The following CD109 variants were observed in gnomAD, a reference collection of about 807,000 sequenced individuals.
The protein encoded by CD109 is CD109 molecule, also known as CD109 antigen.
In CD109, 149 loss-of-function variants were observed where a neutral mutation model predicts 165.8. The ratio of observed to expected loss-of-function variants is 0.90; its 90% CI spans 0.79 to 1.03. The LOEUF (loss-of-function observed/expected upper bound fraction) is 1.03, where lower values mean the gene tolerates loss of function less well. Ranked by LOEUF, CD109 falls within the 50% of genes least tolerant of loss-of-function variation. The pLI is 0.00. For synonymous variants in CD109, 585 were observed against 592.1 expected, an observed-to-expected ratio of 0.99 and a Z score of 0.18; for missense variants, 1,712 against 1,677.8, an observed-to-expected ratio of 1.02 and a Z score of -0.36.
rs913196604 is a variant in CD109, at chr6:73,723,151, C to T, written c.248-100C>T. On this transcript the variant is annotated intron_variant, in intron 2 of 32. Transcript: ENST00000287097. ...TTCACCAAATGTATTTATGATTCCA[C>T]CTACACATGTAAGAGTATTGGGAGA... The T allele has an allele frequency of 3.0e-5, 47 of 1,587,076 alleles. No individual in the cohort carries two copies. In the African/African-American group the frequency reaches 5.9e-4, roughly 20 times the overall value.
At chr6:73,778,590 A>G (rs1471515117) in intron 15 of CD109, among the ~76,000 whole-genome samples, 1 of 152,194 alleles carries the variant, frequency 6.6e-6, no homozygotes, top group Non-Finnish European at 1.5e-5. Flanking sequence ...ATGGAACTCT[A>G]GCCTTTTCTC....
chr6:73,704,430 T>C (rs1339344326), intron 2 of CD109, among the ~76,000 whole-genome samples: 1 of 152,202 alleles, frequency 6.6e-6, no homozygotes, highest in African/African-American at 2.4e-5. Context: ...CTGGTGTTCA[T>C]TTTCAGCCGC....
In CD109 at chr6:73,808,035, G is replaced by C. The variant is rs1418196354; in HGVS notation, c.3190-48G>C. 3.9e-6 allele frequency: 6 copies of C among 1,552,426 alleles called. No homozygotes were observed. In the African/African-American group the frequency reaches 8.2e-5, roughly 21 times the overall value. ...AAAGTACTTTTTGTTTCAGTATGTG[G>C]TAATGGGTTACTCTGAATAGTAAAA... On this transcript the variant is annotated intron_variant, in intron 25 of 32. Transcript: ENST00000287097.
rs1012984512 is a variant in CD109, at chr6:73,815,193, A to C, written c.3911+70A>C. 1.8e-4 allele frequency: 235 copies of C among 1,286,052 alleles called. 1 individual carries two copies. Among genetic ancestry groups the C allele is most frequent in the Middle Eastern group, 1.6e-3 (8 of 5,068 alleles). The allele number at this position is 1,286,052 out of a possible 1,614,324, so 79.7% of individuals were successfully genotyped here. The stretch of plus-strand genomic sequence containing the variant: ...TAGACTTGAAGGTTTAATTATGTAT[A>C]GTTGTCTATATCAATCTAAGAGTTA... On this transcript the variant is annotated intron_variant, in intron 30 of 32. Transcript: ENST00000287097.
chr6:73,682,638 A>G, the CD109 span, among the ~76,000 whole-genome samples: 1 of 152,086 alleles, frequency 6.6e-6, no homozygotes, highest in South Asian at 2.1e-4. Context: ...CCCAGTAGGG[A>G]ATCTGTGTGG....
chr6:73,809,910 G>A (rs973442048), intron 26 of CD109, 74 bp from the exon 27 acceptor site: 8 of 1,160,700 alleles, frequency 6.9e-6, no homozygotes, highest in Non-Finnish European at 7.3e-6. Flanking sequence ...TTGGACCAGA[G>A]TAGGAATATT....
the CD109 span, among the ~76,000 whole-genome samples, chr6:73,689,237 G>C: frequency 6.6e-6 from 1 of 152,164 alleles, no homozygotes; most frequent in Admixed American, 6.5e-5. Flanking sequence ...CCAAACCCAA[G>C]GATGGGATTG....
chr6:73,736,885 C>A (rs1772565952), intron 5 of CD109, among the ~76,000 whole-genome samples: 1 of 152,158 alleles, frequency 6.6e-6, no homozygotes, highest in Non-Finnish European at 1.5e-5. Context: ...ATTAGATTAA[C>A]CTACTTTTAT....
In CD109 at chr6:73,766,812, T is replaced by A. The variant is rs1470325763; in HGVS notation, c.1386T>A (p.Ser462=). Residue 462 remains serine (S), a synonymous_variant, in exon 12 of 33, where the codon TCT becomes TCA. Coordinates refer to ENST00000287097, the MANE Select transcript of CD109 (RefSeq NM_133493.5). ...SSMAVHSLFK[S]PSKTYIQLKT... is the part of the protein sequence containing the mutation. ...TGGCAGTTCATAGTCTGTTTAAGTC[T>A]CCTAGTAAGACATACATCCAACTAA... 1.9e-6 allele frequency: 3 copies of A among 1,613,304 alleles called. No individual in the cohort carries two copies. In the South Asian group the frequency reaches 3.3e-5, roughly 18 times the overall value.
intron 5 of CD109, among the ~76,000 whole-genome samples, chr6:73,745,492 T>C (rs1284904937): frequency 6.6e-6 from 1 of 152,338 alleles, no homozygotes; most frequent in East Asian, 1.9e-4. Flanking sequence ...AGAAGATACC[T>C]ACTTCTTTTA....
At chr6:73,738,471 G>T (rs546925590) in intron 5 of CD109, among the ~76,000 whole-genome samples, 1 of 152,158 alleles carries the variant, frequency 6.6e-6, no homozygotes, top group African/African-American at 2.4e-5. Flanking sequence ...GATAACAGGC[G>T]CTGAGGGATT....
At chr6:73,785,628 A>G in intron 20 of CD109, 151 bp downstream of exon 20, 4 of 541,076 alleles carry the variant, frequency 7.4e-6, no homozygotes, top group Non-Finnish European at 9.6e-6. Context: ...CTTGTCAGTG[A>G]TTTCTTCTGC....
chr6:73,741,998 A>G (rs1185735052), intron 5 of CD109, among the ~76,000 whole-genome samples: 2 of 151,952 alleles, frequency 1.3e-5, no homozygotes, highest in East Asian at 3.9e-4. Context: ...TCCATTTTTT[A>G]TTTTCTGTAG....
Position 73,826,697 on chromosome 6 carries a change from A to G in CD109, c.*3064A>G, listed in dbSNP as rs1324569987. ...TTAGTATTTTGGATTATATATTATA[A>G]TCTGAGGAGTGTTTTGCTTATGTAG... On this transcript the variant is annotated 3_prime_UTR_variant, in exon 33 of 33. Transcript: ENST00000287097. 1 of 152,168 alleles carries G rather than the reference A, an allele frequency of 6.6e-6. No homozygotes were observed. Among genetic ancestry groups the G allele is most frequent in the Non-Finnish European group, 1.5e-5 (1 of 68,034 alleles). 9.4% of individuals were successfully genotyped at this position (152,168 alleles called of 1,614,324 possible). A position where few individuals can be genotyped will look rare whatever the true frequency, so the allele number is the denominator to read the frequency against.
At chr6:73,736,090 T>C (rs1425097030) in intron 4 of CD109, among the ~76,000 whole-genome samples, 2 of 152,182 alleles carry the variant, frequency 1.3e-5, no homozygotes, top group Non-Finnish European at 2.9e-5. Flanking sequence ...TTTAGAAATA[T>C]AGAGCCTACG....
rs781310641 is a variant in CD109, at chr6:73,782,667, G to A, written c.2017G>A (p.Val673Ile). 4 of 1,613,804 alleles carry A rather than the reference G, an allele frequency of 2.5e-6. No individual in the cohort carries two copies. The highest frequency in any genetic ancestry group is 1.7e-4 in the Middle Eastern group (1 of 6,060). Reference sequence around the variant, plus strand: ...TATGGAGGAAAATGAAGGACATATTGTAGATATTCATGACTTTTCTTTGGG... The same window carrying A: ...TATGGAGGAAAATGAAGGACATATTATAGATATTCATGACTTTTCTTTGGG... ...RFMEENEGHI[V>I]DIHDFSLGSS... is the part of the protein sequence containing the mutation. The change falls in exon 18 of 33, where the codon GTA becomes ATA. Residue 673 changes from valine to isoleucine, a missense_variant. Coordinates refer to ENST00000287097, the MANE Select transcript of CD109 (RefSeq NM_133493.5).
chr6:73,721,389 G>C (rs949274248), intron 2 of CD109, among the ~76,000 whole-genome samples: 1 of 147,538 alleles, frequency 6.8e-6, no homozygotes, highest in African/African-American at 2.5e-5. Context: ...TTTTGAGACA[G>C]TATCTCCCTC....
intron 2 of CD109, among the ~76,000 whole-genome samples, chr6:73,705,070 G>C (rs1771215669): frequency 6.6e-6 from 1 of 152,130 alleles, no homozygotes; most frequent in African/African-American, 2.4e-5. Context: ...GCTGCTGGCT[G>C]GTGTGGCAGT....
chr6:73,688,116 A>G, the CD109 span, among the ~76,000 whole-genome samples: 1 of 152,312 alleles, frequency 6.6e-6, no homozygotes, highest in African/African-American at 2.4e-5. Flanking sequence ...AACACTAGAA[A>G]CTTTGTAAGA....
Sources: gnomAD v4.1 joint callset for allele counts (sites outside exome capture counted in the v4.1 genomes callset) on GRCh38, gnomAD v4.1.1 for gene constraint, MANE v1.5 for transcripts, NCBI Gene and HGNC (gene_info 2026-07-23, HGNC 2026-07-21) for gene names.